RFX3: variants seen among roughly 807,000 people sequenced by gnomAD.
RFX3 encodes the protein regulatory factor X3.
RFX3 carries 14 observed loss-of-function variants against 98.6 expected under a neutral mutation model. The ratio of observed to expected loss-of-function variants is 0.14; its 90% CI spans 0.09 to 0.22. The LOEUF (loss-of-function observed/expected upper bound fraction) is 0.22. RFX3 is among the 10% of genes least tolerant of loss of function. The pLI is 1.00. For synonymous variants in RFX3, 383 were observed against 328.4 expected (o/e 1.17, Z -1.80); for missense variants, 639 against 926.9 (o/e 0.69, Z 4.03).
chr9:3,287,439 C>T (rs941136233), intron 7 of RFX3, among the ~76,000 whole-genome samples: 2 of 151,858 alleles, frequency 1.3e-5, no homozygotes, highest in South Asian at 4.1e-4. Flanking sequence ...ACTAGAAGGC[C>T]CTTAGCTATG....
At chr9:3,474,597 T>C (rs187909845) in intron 1 of RFX3, among the ~76,000 whole-genome samples, 149 of 152,278 alleles carry the variant, frequency 9.8e-4, no homozygotes, top group Non-Finnish European at 1.6e-3. Flanking sequence ...ATAGATGAGA[T>C]TACTGACTCA....
chr9:3,240,846 G>C (rs1307468648), intron 15 of RFX3, among the ~76,000 whole-genome samples: 1 of 152,194 alleles, frequency 6.6e-6, no homozygotes, highest in African/African-American at 2.4e-5. Context: ...GGATGACAGA[G>C]TGTGGCAAAG....
intron 15 of RFX3, among the ~76,000 whole-genome samples, chr9:3,245,127 A>G (rs7855172): frequency 0.081 from 12,403 of 152,242 alleles, 528 homozygotes; most frequent in Middle Eastern, 0.11. Flanking sequence ...GAACTGTGCA[A>G]TTAGTATTGT....
intron 1 of RFX3, among the ~76,000 whole-genome samples, chr9:3,421,199 C>T (rs533344916): frequency 4.6e-5 from 7 of 152,266 alleles, no homozygotes; most frequent in Admixed American, 3.9e-4. Context: ...CTCTAAAGAA[C>T]TACTCAGATC....
At chr9:3,503,412 T>G (rs1816268247) in intron 1 of RFX3, among the ~76,000 whole-genome samples, 1 of 152,122 alleles carries the variant, frequency 6.6e-6, no homozygotes, top group African/African-American at 2.4e-5. Flanking sequence ...TTTATTATAT[T>G]TTATTTTGTA....
chr9:3,487,409 T>C (rs1198158065), intron 1 of RFX3, among the ~76,000 whole-genome samples: 1 of 152,200 alleles, frequency 6.6e-6, no homozygotes, highest in African/African-American at 2.4e-5. Context: ...AAAGACCAAT[T>C]GTTATTGGCC....
intron 1 of RFX3, among the ~76,000 whole-genome samples, chr9:3,418,389 T>G (rs1843159607): frequency 6.6e-6 from 1 of 152,042 alleles, no homozygotes; most frequent in African/African-American, 2.4e-5. Context: ...TTGTTTTTGT[T>G]TTTTTTTGGA....
At chr9:3,464,346 A>G (rs949664222) in intron 1 of RFX3, among the ~76,000 whole-genome samples, 1 of 152,262 alleles carries the variant, frequency 6.6e-6, no homozygotes, top group African/African-American at 2.4e-5. Context: ...CTGTGTTTGT[A>G]TAACTGTTTT....
At chr9:3,440,485 T>A (rs1845521383) in intron 1 of RFX3, among the ~76,000 whole-genome samples, 1 of 152,066 alleles carries the variant, frequency 6.6e-6, no homozygotes, top group Non-Finnish European at 1.5e-5. Flanking sequence ...AAAATAAATT[T>A]ATAATAGCAT....
At position 3,480,740 on chromosome 9, in the gene RFX3, G is replaced by A. The variant is rs145572023; in HGVS notation, c.-9+45007C>T. ...TTAAAAGCCATATGACCTTAGACAA[G>A]TCAATTAATCTCTCTAAGCTTCAGC... On this transcript the variant is annotated intron_variant, in intron 1 of 16. Coordinates refer to ENST00000617270, the MANE Select transcript of RFX3 (RefSeq NM_001282116.2). 2.6e-5 allele frequency among the ~76,000 whole-genome samples: 4 copies of A among 152,248 alleles called. No homozygotes were observed. The East Asian group carries it at 7.7e-4, about 29-fold the overall frequency.
chr9:3,510,928 C>A (rs868349943), intron 1 of RFX3, among the ~76,000 whole-genome samples: 14 of 151,946 alleles, frequency 9.2e-5, no homozygotes, highest in African/African-American at 3.1e-4. Flanking sequence ...TTATATATAA[C>A]CCTTTGAGAA....
chr9:3,304,264 G>C (rs1231561475), intron 4 of RFX3, among the ~76,000 whole-genome samples: 1 of 151,566 alleles, frequency 6.6e-6, no homozygotes. Flanking sequence ...TTTATTGAAG[G>C]GAATTCCAAT....
intron 2 of RFX3, among the ~76,000 whole-genome samples, chr9:3,383,672 G>C (rs1305956663): frequency 1.3e-5 from 2 of 152,114 alleles, no homozygotes; most frequent in African/African-American, 4.8e-5. Context: ...AAGCCTATCA[G>C]TTCACAAGGG....
At chr9:3,408,948 T>G (rs892636484) in intron 1 of RFX3, among the ~76,000 whole-genome samples, 1 of 152,230 alleles carries the variant, frequency 6.6e-6, no homozygotes, top group Admixed American at 6.5e-5. Flanking sequence ...ACCCATTCAG[T>G]CAAAACTTGT....
At chr9:3,444,069 G>A (rs577708027) in intron 1 of RFX3, among the ~76,000 whole-genome samples, 1 of 152,124 alleles carries the variant, frequency 6.6e-6, no homozygotes, top group South Asian at 2.1e-4. Context: ...TCTACTCCTA[G>A]GGATTTATCC....
intron 1 of RFX3, among the ~76,000 whole-genome samples, chr9:3,431,483 G>T (rs1844650849): frequency 6.6e-6 from 1 of 152,102 alleles, no homozygotes; most frequent in Non-Finnish European, 1.5e-5. Context: ...GAAAATTTAT[G>T]AAGTTGTCAC....
At chr9:3,255,319 C>CA (rs1240966334) in intron 14 of RFX3, among the ~76,000 whole-genome samples, 1 of 152,214 alleles carries the variant, frequency 6.6e-6, no homozygotes, top group Non-Finnish European at 1.5e-5. Flanking sequence ...ACTGAGTTCA[C>CA]AAGTACTATT....
chr9:3,260,605 G>C (rs1822748286), intron 13 of RFX3, among the ~76,000 whole-genome samples: 1 of 151,454 alleles, frequency 6.6e-6, no homozygotes, highest in Non-Finnish European at 1.5e-5. Flanking sequence ...CTCTTCTTAA[G>C]AGACTTTTAA....
chr9:3,225,286 C>T lies in RFX3; in HGVS notation c.2012-6G>A, dbSNP rs1336401217. 1.9e-6 allele frequency: 3 copies of T among 1,612,572 alleles called. No individual in the cohort carries two copies. The highest frequency in any genetic ancestry group is 1.1e-5 in the South Asian group (1 of 91,064). ...TTCTACTTCACTGCCTTCATCTGCA[C>T]AAACAAATAATACCAAGACTATCAT... On this transcript the variant is annotated splice_region_variant and splice_polypyrimidine_tract_variant and intron_variant, in intron 16 of 16. Coordinates refer to ENST00000617270, the MANE Select transcript of RFX3 (RefSeq NM_001282116.2).
Sources: allele counts gnomAD v4.1 joint callset (sites outside exome capture counted in the v4.1 genomes callset), GRCh38; gene constraint gnomAD v4.1.1; transcripts MANE v1.5; gene names NCBI Gene and HGNC (gene_info 2026-07-23, HGNC 2026-07-21).